The following ATP2B2 variants were observed in gnomAD, a reference collection of about 807,000 sequenced individuals.
ATP2B2 encodes the protein ATPase plasma membrane Ca2+ transporting 2.
In ATP2B2, 15 loss-of-function variants were observed where a neutral mutation model predicts 120.0. The ratio of observed to expected loss-of-function variants is 0.12; its 90% CI spans 0.08 to 0.19. The LOEUF (loss-of-function observed/expected upper bound fraction) is 0.19, where lower values mean the gene tolerates loss of function less well. Ranked by LOEUF, ATP2B2 falls within the 10% of genes least tolerant of loss-of-function variation. ATP2B2 has a pLI of 1.00. For synonymous variants in ATP2B2, 694 were observed against 700.3 expected, an observed-to-expected ratio of 0.99 and a Z score of 0.14; for missense variants, 1,045 against 1,719.8, an observed-to-expected ratio of 0.61 and a Z score of 6.94.
chr3:10,580,185 G>A (rs368126593), intron 2 of ATP2B2, among the ~76,000 whole-genome samples: 1 of 152,198 alleles, frequency 6.6e-6, no homozygotes, highest in Admixed American at 6.5e-5. Flanking sequence ...CGAGACTCAA[G>A]TCCTGGTCAG....
chr3:10,595,115 G>C (rs967271496), intron 2 of ATP2B2, among the ~76,000 whole-genome samples: 5 of 152,226 alleles, frequency 3.3e-5, no homozygotes, highest in African/African-American at 1.2e-4. Flanking sequence ...TTGGCTCCAG[G>C]ATGCTGACCG....
chr3:10,526,889 T>C (rs950189629), intron 3 of ATP2B2, among the ~76,000 whole-genome samples: 2 of 152,172 alleles, frequency 1.3e-5, no homozygotes, highest in African/African-American at 2.4e-5. Flanking sequence ...GTGGTGACAC[T>C]AGCTCCCAAT....
chr3:10,541,900 A>G (rs926390612), intron 2 of ATP2B2, among the ~76,000 whole-genome samples: 3 of 152,144 alleles, frequency 2.0e-5, no homozygotes, highest in Non-Finnish European at 2.9e-5. Context: ...CACTCCTATC[A>G]GTTTTTGCCT....
chr3:10,418,872 G>A (rs1559313609), intron 2 of ATP2B2, among the ~76,000 whole-genome samples: 1 of 152,230 alleles, frequency 6.6e-6, no homozygotes, highest in Admixed American at 6.5e-5. Flanking sequence ...GTGAGGGGGT[G>A]GAATTCAGTC....
upstream of ATP2B2, among the ~76,000 whole-genome samples, chr3:10,505,966 A>C (rs963908666): frequency 6.6e-6 from 1 of 151,858 alleles, no homozygotes; most frequent in Non-Finnish European, 1.5e-5. Flanking sequence ...TGCTGGAGGG[A>C]AGGGGGTCCT....
chr3:10,455,847 C>A (rs1410031733), intron 1 of ATP2B2, among the ~76,000 whole-genome samples: 1 of 152,260 alleles, frequency 6.6e-6, no homozygotes, highest in Non-Finnish European at 1.5e-5. Flanking sequence ...CTTCTCTGGG[C>A]CTCAGTTTCC....
chr3:10,514,524 T>C (rs2066838180), intron 3 of ATP2B2, among the ~76,000 whole-genome samples: 1 of 152,046 alleles, frequency 6.6e-6, no homozygotes. Flanking sequence ...GGGCTGGAGG[T>C]GCCGCTGCAT....
chr3:10,545,126 G>C (rs115970398), intron 2 of ATP2B2, among the ~76,000 whole-genome samples: 1 of 152,168 alleles, frequency 6.6e-6, no homozygotes, highest in South Asian at 2.1e-4. Context: ...GAAGAAAGTC[G>C]GAAAGAAGCG....
At chr3:10,448,747 A>G (rs2063926373) in intron 2 of ATP2B2, among the ~76,000 whole-genome samples, 1 of 152,186 alleles carries the variant, frequency 6.6e-6, no homozygotes, top group South Asian at 2.1e-4. Flanking sequence ...AGCCCCAGCG[A>G]TCCCCAACCA....
Position 10,579,715 on chromosome 3 carries a change from T to C in ATP2B2, c.-415+40202A>G, listed in dbSNP as rs112462010. ...ATCCCAGTTACTTGGGAGGCTGAGGTAGGAGAATCACTTGAACCTGGCAGG... is the reference window on the plus strand; with the variant it reads ...ATCCCAGTTACTTGGGAGGCTGAGGCAGGAGAATCACTTGAACCTGGCAGG... On this transcript the variant is annotated intron_variant, in intron 2 of 21. Transcript: ENST00000646379. Among the ~76,000 whole-genome samples, 1,312 of 152,142 alleles carry C rather than the reference T, an allele frequency of 8.6e-3. 9 individuals are homozygous for C. The highest frequency in any genetic ancestry group is 0.019 in the African/African-American group (774 of 41,516).
At chr3:10,599,731 C>T (rs978236525) in intron 2 of ATP2B2, among the ~76,000 whole-genome samples, 4 of 145,378 alleles carry the variant, frequency 2.8e-5, no homozygotes, top group Non-Finnish European at 4.4e-5. Context: ...TGACTGAGTA[C>T]GTGATCTGTG....
intron 1 of ATP2B2, among the ~76,000 whole-genome samples, chr3:10,683,756 GTGTGTATA>G (rs1251751300): frequency 3.4e-5 from 1 of 29,704 alleles, no homozygotes; most frequent in African/African-American, 1.7e-4. Flanking sequence ...ATATGTGTGT[GTGTGTATA>G]TATATATATA....
chr3:10,401,175 T>C (rs754692887), intron 4 of ATP2B2, 97 bp from the exon 5 acceptor site: 6 of 1,515,230 alleles, frequency 4.0e-6, no homozygotes, highest in Non-Finnish European at 5.4e-6. Context: ...AGGTTTGCCA[T>C]CAGGGACAGA....
At chr3:10,489,356 T>C (rs1399397141) in intron 1 of ATP2B2, among the ~76,000 whole-genome samples, 3 of 152,244 alleles carry the variant, frequency 2.0e-5, no homozygotes, top group Non-Finnish European at 1.5e-5. Flanking sequence ...CCCCACTGCC[T>C]GGCACACAGT....
intron 5 of ATP2B2, among the ~76,000 whole-genome samples, chr3:10,395,090 C>G (rs192799353): frequency 1.2e-3 from 188 of 152,328 alleles, no homozygotes; most frequent in African/African-American, 2.5e-3. Flanking sequence ...GACCAGGGTC[C>G]TCTAGGGATC....
chr3:10,524,354 C>T (rs996812385), intron 3 of ATP2B2, among the ~76,000 whole-genome samples: 1 of 152,216 alleles, frequency 6.6e-6, no homozygotes, highest in Admixed American at 6.5e-5. Context: ...CTATTTAGTT[C>T]TCATAGCCAC....
At chr3:10,703,461 C>G (rs890243906) in intron 1 of ATP2B2, among the ~76,000 whole-genome samples, 1 of 152,130 alleles carries the variant, frequency 6.6e-6, no homozygotes, top group African/African-American at 2.4e-5. Flanking sequence ...AATTTATATT[C>G]GGCTCCTCTA....
chr3:10,683,872 C>A (rs1307076751), intron 1 of ATP2B2, among the ~76,000 whole-genome samples: 1 of 148,048 alleles, frequency 6.8e-6, no homozygotes, highest in Non-Finnish European at 1.5e-5. Flanking sequence ...AGCTCACTCA[C>A]GGCATCCTCG....
At chr3:10,484,434 T>A (rs1223541581) in intron 1 of ATP2B2, among the ~76,000 whole-genome samples, 1 of 152,012 alleles carries the variant, frequency 6.6e-6, no homozygotes, top group African/African-American at 2.4e-5. Context: ...ATGCCCTCAG[T>A]GTCTCCCCGT....
Sources: gnomAD v4.1 joint callset for allele counts (sites outside exome capture counted in the v4.1 genomes callset) on GRCh38, gnomAD v4.1.1 for gene constraint, MANE v1.5 for transcripts, NCBI Gene and HGNC (gene_info 2026-07-23, HGNC 2026-07-21) for gene names.